The following E2F8 variants were observed in gnomAD, a reference collection of about 807,000 sequenced individuals.
E2F8 encodes the protein E2F transcription factor 8.
Under a neutral mutation model 80.8 loss-of-function variants are expected in E2F8, and 35 were observed. The observed-to-expected ratio is 0.43, with a 90% CI of 0.33 to 0.57. The LOEUF (loss-of-function observed/expected upper bound fraction) is 0.57, where lower values mean the gene tolerates loss of function less well. Ranked by LOEUF, E2F8 falls within the 20% of genes least tolerant of loss-of-function variation. The pLI is 0.04. For synonymous variants in E2F8, 386 were observed against 395.0 expected, an observed-to-expected ratio of 0.98 and a Z score of 0.27; for missense variants, 975 against 1,056.2, an observed-to-expected ratio of 0.92 and a Z score of 1.07.
Position 19,234,510 on chromosome 11 carries a change from T to A in E2F8, c.778A>T (p.Ser260Cys). 6.2e-7 allele frequency: 1 copy of A among 1,613,762 alleles called. No individual in the cohort carries two copies. Reference protein sequence around the residue: ...GVEFRAASVNSRKDKSLRVMS... With the variant: ...GVEFRAASVNCRKDKSLRVMS... ...ACCCTTAAAGACTTGTCTTTGCGGCTGTTTACAGAAGCTTTAGAGAAGGAT... is the reference window on the plus strand; with the variant it reads ...ACCCTTAAAGACTTGTCTTTGCGGCAGTTTACAGAAGCTTTAGAGAAGGAT... Residue 260 changes from serine to cysteine, a missense_variant, in exon 6 of 13, where the codon AGC becomes TGC. Transcript: ENST00000250024.
At position 19,225,245 on chromosome 11, in the gene E2F8, T is replaced by A; in HGVS notation, c.2397A>T (p.Ser799=). 2 of 1,613,844 alleles carry A rather than the reference T, an allele frequency of 1.2e-6. No individual in the cohort carries two copies. The highest frequency in any genetic ancestry group is 2.2e-5 in the South Asian group (2 of 91,066). ...VPGQSQPNGQ[S]VAVTGAQQPV... is the part of the protein sequence containing the mutation. The stretch of plus-strand genomic sequence containing the variant: ...CCTGTTGTGCCCCTGTCACAGCAAC[T>A]GATTGTCCATTTGGCTGGCTCTGGC... Residue 799 remains serine (S), a synonymous_variant, in exon 12 of 13, where the codon TCA becomes TCT. Coordinates refer to ENST00000250024, the MANE Select transcript of E2F8 (RefSeq NM_024680.4).
intron 3 of E2F8, 44 bp from the exon 4 acceptor site, chr11:19,237,514 C>G: frequency 6.3e-7 from 1 of 1,584,718 alleles, no homozygotes; most frequent in Non-Finnish European, 8.6e-7. Flanking sequence ...AAAATAAAGT[C>G]TGACAGATTT....
chr11:19,229,481 G>A lies in E2F8; in HGVS notation c.1866C>T (p.Asp622=). 1 of 1,613,960 alleles carries A rather than the reference G, an allele frequency of 6.2e-7. No individual in the cohort carries two copies. The highest frequency in any genetic ancestry group is 8.5e-7 in the Non-Finnish European group (1 of 1,179,974). ...CGGAGACATTTTCAAGTCCTTTTAGGTCCTCTTTAAATTTCTTTTTGGAAC... is the reference window on the plus strand; with the variant it reads ...CGGAGACATTTTCAAGTCCTTTTAGATCCTCTTTAAATTTCTTTTTGGAAC... ...DSGSKKKFKE[D]LKGLENVSAT... Residue 622 remains aspartate (D), a synonymous_variant, in exon 10 of 13, where the codon GAC becomes GAT. Coordinates refer to ENST00000250024, the MANE Select transcript of E2F8 (RefSeq NM_024680.4). This position sits in a 1 kb window ranked among gnomAD's most constrained non-coding sequence, Gnocchi z 4.3.
chr11:19,240,157 G>C lies in E2F8; in HGVS notation c.-36C>G. ...CCTCATACATTTAGAGTTTAAAAATGAAAAATCTGGAGTTCCTCCCCAAAT... is the reference window on the plus strand; with the variant it reads ...CCTCATACATTTAGAGTTTAAAAATCAAAAATCTGGAGTTCCTCCCCAAAT... On this transcript the variant is annotated 5_prime_UTR_variant, in exon 2 of 13. Transcript: ENST00000250024. 1 of 1,439,342 alleles carries C rather than the reference G, an allele frequency of 6.9e-7. No homozygotes were observed. The highest frequency in any genetic ancestry group is 1.5e-5 in the South Asian group (1 of 66,784). 89.2% of individuals were successfully genotyped at this position (1,439,342 alleles called of 1,614,324 possible).
Position 19,225,809 on chromosome 11 carries a change from G to A in E2F8, c.1949C>T (p.Ala650Val). The A allele has an allele frequency of 1.2e-6, 2 of 1,614,172 alleles. No homozygotes were observed. The highest frequency in any genetic ancestry group is 1.7e-6 in the Non-Finnish European group (2 of 1,180,024). The part of the protein sequence containing the change: ...IPLTQCSSLG[A>V]ESILSGKENS... ...TTCTTTACCAGACAAAATGGACTCTGCCCCCAGGGATGAGCACTGCGTGAG... is the reference window on the plus strand; with the variant it reads ...TTCTTTACCAGACAAAATGGACTCTACCCCCAGGGATGAGCACTGCGTGAG... Residue 650 changes from alanine (A) to valine (V), a missense_variant, in exon 11 of 13, where the codon GCA becomes GTA. Transcript: ENST00000250024.
chr11:19,237,707 G>A, intron 3 of E2F8, 147 bp downstream of exon 3: 2 of 1,159,924 alleles, frequency 1.7e-6, no homozygotes, highest in Middle Eastern at 2.9e-4. Flanking sequence ...ATTTCTTGGG[G>A]TCCAAACCTT....
chr11:19,241,353 C>G (rs1294310842), upstream of E2F8: 1 of 155,866 alleles, frequency 6.4e-6, no homozygotes, highest in Non-Finnish European at 1.4e-5. The surrounding 1 kb of genome is among the most constrained non-coding windows in gnomAD (Gnocchi z 4.5). Context: ...CCCTCCCGAG[C>G]CCTCTCCCGG....
chr11:19,230,581 G>C, intron 8 of E2F8, 50 bp downstream of exon 8: 1 of 1,583,656 alleles, frequency 6.3e-7, no homozygotes, highest in Non-Finnish European at 8.6e-7. Flanking sequence ...GAAAAAATGA[G>C]ATAAAAGGGA....
intron 7 of E2F8, among the ~76,000 whole-genome samples, chr11:19,231,860 C>T (rs1250305075): frequency 6.6e-6 from 1 of 152,114 alleles, no homozygotes; most frequent in Non-Finnish European, 1.5e-5. Context: ...ATCATCTTTT[C>T]AATCATATAT....
Position 19,237,967 on chromosome 11 carries a change from C to T in E2F8, c.181G>A (p.Ala61Thr), listed in dbSNP as rs1020258095. The T allele has an allele frequency of 2.5e-6, 4 of 1,614,052 alleles. No individual in the cohort carries two copies. The highest frequency in any genetic ancestry group is 2.2e-5 in the South Asian group (2 of 91,090). The change falls in exon 3 of 13, where the codon GCC (alanine) becomes ACC (threonine). Residue 61 changes from alanine (A) to threonine (T), a missense_variant. Coordinates refer to ENST00000250024, the MANE Select transcript of E2F8 (RefSeq NM_024680.4). ...GSQGEPWTPTANLKMLISAVS... is the reference protein window; with the variant it reads ...GSQGEPWTPTTNLKMLISAVS... ...GCACTGATGAGCATTTTCAGGTTGGCTGTCGGTGTCCACGGCTCTCCCTGA... is the reference window on the plus strand; with the variant it reads ...GCACTGATGAGCATTTTCAGGTTGGTTGTCGGTGTCCACGGCTCTCCCTGA...
chr11:19,241,577 G>C (rs1466041537), upstream of E2F8: 1 of 152,280 alleles, frequency 6.6e-6, no homozygotes, highest in South Asian at 2.1e-4. The surrounding 1 kb of genome is among the most constrained non-coding windows in gnomAD (Gnocchi z 4.5). Flanking sequence ...CGGCTGGCGG[G>C]CAGAGGGAGC....
In E2F8 at chr11:19,234,861, C is replaced by G. The variant is rs77857678; in HGVS notation, c.649G>C (p.Glu217Gln). The G allele has an allele frequency of 9.3e-6, 15 of 1,614,080 alleles. No individual in the cohort carries two copies. The highest frequency in any genetic ancestry group is 1.3e-5 in the Non-Finnish European group (15 of 1,180,040). The change falls in exon 5 of 13, where the codon GAG (glutamate) becomes CAG (glutamine). Residue 217 changes from glutamate (E) to glutamine (Q), a missense_variant. Coordinates refer to ENST00000250024, the MANE Select transcript of E2F8 (RefSeq NM_024680.4). ...MMIKKKEYEQ[E>Q]FDFIKSYSIE... ...CTGTAACTCTTAATAAAGTCAAACT[C>G]TTGCTCATATTCTTTCTTTTTGATC...
rs1222180877 is a variant in E2F8, at chr11:19,229,067, A to G, written c.1893+387T>C. Among the ~76,000 whole-genome samples the G allele has an allele frequency of 2.0e-5, 3 of 152,194 alleles. No individual in the cohort carries two copies. Among genetic ancestry groups the G allele is most frequent in the Non-Finnish European group, 1.5e-5 (1 of 68,036 alleles). Reference sequence around the variant, plus strand: ...GCCAGTTACATGACAACAAACAAACATTAGGTAATGACTCAGAAAGCAGGA... The same window carrying G: ...GCCAGTTACATGACAACAAACAAACGTTAGGTAATGACTCAGAAAGCAGGA... On this transcript the variant is annotated intron_variant, in intron 10 of 12. Transcript: ENST00000250024. This position sits in a 1 kb window ranked among gnomAD's most constrained non-coding sequence, Gnocchi z 4.3.
intron 4 of E2F8, among the ~76,000 whole-genome samples, chr11:19,236,819 A>G (rs535183037): frequency 2.6e-5 from 4 of 152,316 alleles, no homozygotes; most frequent in African/African-American, 9.6e-5. Context: ...GAACAGAGTA[A>G]AAAGGGGCAG....
At position 19,237,438 on chromosome 11, in the gene E2F8, G is replaced by C. The variant is rs767543664; in HGVS notation, c.327C>G (p.Ser109=). Residue 109 remains serine (S), a synonymous_variant, in exon 4 of 13, where the codon TCC becomes TCG. Coordinates refer to ENST00000250024, the MANE Select transcript of E2F8 (RefSeq NM_024680.4). ...EHLSGDEFEK[S]QPSRKEKSLG... ...AACTTTTCTCTTTTCGACTTGGTTG[G>C]GATTTCTCAAATTCATCTCCAGATA... 6.2e-7 allele frequency: 1 copy of C among 1,613,878 alleles called. No individual in the cohort carries two copies.
intron 4 of E2F8, 58 bp downstream of exon 4, chr11:19,237,256 T>G: frequency 6.4e-7 from 1 of 1,556,062 alleles, no homozygotes; most frequent in Non-Finnish European, 8.8e-7. Context: ...CTGAAGGAGT[T>G]AAGTCCATAA....
rs1264581561 is a variant in E2F8, at chr11:19,224,306, A to AC, written c.*351_*352insG. ...ATGCTGTGTTAGGCATGTCAAGCATATTTGCTTAGAGGGAAGTAAACTTTA... is the reference window on the plus strand; with the variant it reads ...ATGCTGTGTTAGGCATGTCAAGCATACTTTGCTTAGAGGGAAGTAAACTTTA... On this transcript the variant is annotated 3_prime_UTR_variant, in exon 13 of 13. Transcript: ENST00000250024. The AC allele has an allele frequency of 2.0e-4, 34 of 168,062 alleles. No individual in the cohort carries two copies. Among genetic ancestry groups the AC allele is most frequent in the African/African-American group, 7.6e-4 (32 of 42,086 alleles). The allele number at this position is 168,062 out of a possible 1,614,324, so 10.4% of individuals were successfully genotyped here. A position where few individuals can be genotyped will look rare whatever the true frequency, so the allele number is the denominator to read the frequency against.
intron 10 of E2F8, among the ~76,000 whole-genome samples, chr11:19,227,196 G>A (rs1851257510): frequency 1.3e-5 from 2 of 152,022 alleles, no homozygotes; most frequent in African/African-American, 4.8e-5. Context: ...TCTTTTCCTT[G>A]GGAACCAGGA....
Position 19,237,467 on chromosome 11 carries a change from G to A in E2F8, c.298C>T (p.His100Tyr), listed in dbSNP as rs1322770671. ...TTCTCAAATTCATCTCCAGATAAGT[G>A]TTCCTACAAAGGAAAAGGTAAACAA... Reference protein sequence around the residue: ...LPEAKDCIHEHLSGDEFEKSQ... With the variant: ...LPEAKDCIHEYLSGDEFEKSQ... The change falls in exon 4 of 13, where the codon CAC (histidine) becomes TAC (tyrosine). Residue 100 changes from histidine to tyrosine, a missense_variant. Physicochemically the swap from His to Tyr is moderately conservative, Grantham distance 83 (BLOSUM62 2). Coordinates refer to ENST00000250024, the MANE Select transcript of E2F8 (RefSeq NM_024680.4). 1 of 1,612,510 alleles carries A rather than the reference G, an allele frequency of 6.2e-7. No individual in the cohort carries two copies. The highest frequency in any genetic ancestry group is 1.7e-5 in the Admixed American group (1 of 59,544).
Sources: gnomAD v4.1 joint callset for allele counts (sites outside exome capture counted in the v4.1 genomes callset) on GRCh38, gnomAD v4.1.1 for gene constraint, Gnocchi (gnomAD v3.1) non-coding constraint, MANE v1.5 for transcripts, NCBI Gene and HGNC (gene_info 2026-07-23, HGNC 2026-07-21) for gene names.